The following SND1 variants were observed in gnomAD, a reference collection of about 807,000 sequenced individuals.
SND1 encodes staphylococcal nuclease and tudor domain containing 1.
In SND1, 38 loss-of-function variants were observed where a neutral mutation model predicts 121.7. The observed-to-expected ratio is 0.31, with a 90% confidence interval of 0.24 to 0.41. The LOEUF (loss-of-function observed/expected upper bound fraction) is 0.41. Ranked by LOEUF, SND1 falls within the 10% of genes least tolerant of loss-of-function variation. The probability of loss-of-function intolerance (pLI) is 1.00; values close to 1 mark genes in which losing one functional copy is unlikely to be tolerated. For missense variants in SND1, 868 were observed against 1,184.6 expected (o/e 0.73, Z 3.92); for synonymous variants, 401 against 447.4 (o/e 0.90, Z 1.31).
At chr7:127,821,985 A>G (rs1213024439) in intron 11 of SND1, among the ~76,000 whole-genome samples, 2 of 152,174 alleles carry the variant, frequency 1.3e-5, no homozygotes, top group African/African-American at 4.8e-5. Flanking sequence ...GGGGAAATCA[A>G]TATCATTTTA....
In SND1 at chr7:127,702,440, A is replaced by G; in HGVS notation, c.595A>G (p.Ile199Val). 1.2e-6 allele frequency: 2 copies of G among 1,614,046 alleles called. No individual in the cohort carries two copies. The highest frequency in any genetic ancestry group is 1.7e-5 in the Admixed American group (1 of 60,012). The change falls in exon 6 of 24, where the codon ATC becomes GTC. Residue 199 changes from isoleucine to valine, a missense_variant. Transcript: ENST00000354725. ...CTGTTTATTCTGTCACACAGCTATC[A>G]TCGAGCATGTGCGGGACGGCAGTGT... ...SHHQKPVNAI[I>V]EHVRDGSVVR...
intron 1 of SND1, among the ~76,000 whole-genome samples, chr7:127,654,851 T>G (rs1406338456): frequency 1.3e-5 from 2 of 152,172 alleles, no homozygotes. Flanking sequence ...TTAGAAGCCT[T>G]GTCTGGAATG....
chr7:127,976,232 C>A (rs1049411388), intron 15 of SND1, among the ~76,000 whole-genome samples: 3 of 152,230 alleles, frequency 2.0e-5, no homozygotes, highest in Non-Finnish European at 2.9e-5. Context: ...CTCCCCTGCC[C>A]CACCCTTATT....
At chr7:127,697,661 G>A (rs529152717) in intron 3 of SND1, among the ~76,000 whole-genome samples, 4 of 152,154 alleles carry the variant, frequency 2.6e-5, no homozygotes, top group East Asian at 1.9e-4. Context: ...ACTCACCCTC[G>A]GAACCTGAAC....
intron 15 of SND1, among the ~76,000 whole-genome samples, chr7:127,983,075 TAA>T (rs1802304147): frequency 6.6e-6 from 1 of 152,226 alleles, no homozygotes; most frequent in South Asian, 2.1e-4. Flanking sequence ...TGGACAAACT[TAA>T]AAGTGTTGCT....
At chr7:127,981,659 C>G (rs1370115155) in intron 15 of SND1, among the ~76,000 whole-genome samples, 1 of 151,990 alleles carries the variant, frequency 6.6e-6, no homozygotes, top group Admixed American at 6.5e-5. Context: ...TGCTTTTTTC[C>G]CATTTGGGAG....
intron 16 of SND1, among the ~76,000 whole-genome samples, chr7:128,069,611 G>T (rs1221662206): frequency 1.3e-5 from 2 of 152,184 alleles, no homozygotes; most frequent in African/African-American, 4.8e-5. Flanking sequence ...AAGACATTTA[G>T]AAATGAAATA....
At chr7:127,952,679 C>T (rs1433254159) in intron 15 of SND1, among the ~76,000 whole-genome samples, 2 of 152,020 alleles carry the variant, frequency 1.3e-5, no homozygotes, top group Non-Finnish European at 2.9e-5. Flanking sequence ...TGACAGTTAA[C>T]AACAATCTAG....
intron 12 of SND1, among the ~76,000 whole-genome samples, chr7:127,857,546 G>A (rs1192636146): frequency 6.7e-6 from 1 of 150,178 alleles, no homozygotes; most frequent in South Asian, 2.1e-4. Context: ...TAGCACAGTT[G>A]GGGGTGTTTA....
chr7:127,896,796 G>A (rs1800128614), intron 13 of SND1, among the ~76,000 whole-genome samples: 1 of 151,932 alleles, frequency 6.6e-6, no homozygotes, highest in South Asian at 2.1e-4. Context: ...GATTCCTTCT[G>A]AATAGCCTCC....
intron 10 of SND1, among the ~76,000 whole-genome samples, chr7:127,745,888 G>A (rs557391372): frequency 6.6e-6 from 1 of 152,312 alleles, no homozygotes; most frequent in African/African-American, 2.4e-5. Flanking sequence ...TATCGTTGAG[G>A]TGTAGCGATC....
chr7:128,084,938 T>A, intron 19 of SND1, 91 bp downstream of exon 19: 2 of 1,364,802 alleles, frequency 1.5e-6, no homozygotes, highest in Non-Finnish European at 2.0e-6. Flanking sequence ...GCAGTCTGGT[T>A]TCCCCAGCTG....
chr7:128,031,767 C>T, intron 16 of SND1: 1 of 145,520 alleles, frequency 6.9e-6, no homozygotes, highest in Non-Finnish European at 1.5e-5. Context: ...CCCGGCGGCG[C>T]GCAACCGCCC....
chr7:127,854,949 C>G (rs1165500534), intron 12 of SND1, among the ~76,000 whole-genome samples: 2 of 150,730 alleles, frequency 1.3e-5, no homozygotes, highest in Non-Finnish European at 2.9e-5. Flanking sequence ...GGGAAATTGC[C>G]TGTTATTTCA....
chr7:127,915,345 A>G (rs750689338), intron 14 of SND1, among the ~76,000 whole-genome samples: 8 of 152,176 alleles, frequency 5.3e-5, no homozygotes, highest in Non-Finnish European at 1.2e-4. Flanking sequence ...GAGAGCTGTC[A>G]TTATCATCCT....
chr7:127,840,396 C>T (rs570644776), intron 11 of SND1, among the ~76,000 whole-genome samples: 2 of 152,244 alleles, frequency 1.3e-5, no homozygotes, highest in South Asian at 2.1e-4. Flanking sequence ...TTTGTGGTCA[C>T]TCATTGCTAT....
chr7:128,014,635 C>CTGT (rs1230026553), intron 16 of SND1, among the ~76,000 whole-genome samples: 1 of 152,148 alleles, frequency 6.6e-6, no homozygotes, highest in African/African-American at 2.4e-5. Flanking sequence ...CCCACCCACC[C>CTGT]ACAGGCCCAC....
chr7:127,687,509 A>G (rs1477106647), intron 2 of SND1, among the ~76,000 whole-genome samples: 2 of 151,922 alleles, frequency 1.3e-5, no homozygotes, highest in African/African-American at 2.4e-5. Context: ...TATTATTTCT[A>G]TCTATATGTC....
At chr7:128,067,656 G>A (rs1020951452) in intron 16 of SND1, among the ~76,000 whole-genome samples, 5 of 152,126 alleles carry the variant, frequency 3.3e-5, no homozygotes, top group Admixed American at 1.3e-4. Flanking sequence ...CTACAGCCTC[G>A]CAACCCAGGG....
Sources: allele counts gnomAD v4.1 joint callset (sites outside exome capture counted in the v4.1 genomes callset), GRCh38; gene constraint gnomAD v4.1.1; transcripts MANE v1.5; gene names NCBI Gene and HGNC (gene_info 2026-07-23, HGNC 2026-07-21).